CPA4: variants seen among roughly 807,000 people sequenced by gnomAD.
CPA4 encodes the protein carboxypeptidase A4, also known as carboxypeptidase A3.
In CPA4, 49 loss-of-function variants were observed where a neutral mutation model predicts 54.7. The observed-to-expected ratio is 0.90, with a 90% CI of 0.71 to 1.14. CPA4 has a LOEUF of 1.14. CPA4 is among the 50% of genes most tolerant of loss of function. CPA4 has a pLI of 0.00. For missense variants in CPA4, 487 were observed against 525.1 expected (o/e 0.93, Z 0.71); for synonymous variants, 215 against 206.8 (o/e 1.04, Z -0.34).
chr7:130,310,860 A>C lies in CPA4; in HGVS notation c.867A>C (p.Lys289Asn). The change falls in exon 9 of 11, where the codon AAA becomes AAC. Residue 289 changes from lysine to asparagine, a missense_variant. Physicochemically the swap from Lys to Asn is moderately conservative, Grantham distance 94 (BLOSUM62 0). Coordinates refer to ENST00000222482, the MANE Select transcript of CPA4 (RefSeq NM_016352.4). The surrounding 1 kb of genome is among the most constrained non-coding windows in gnomAD (Gnocchi z 4.3). ...ACGCCAATTCGGAAGTGGAGGTGAA[A>C]TCAGTGGTAGATTTCATCCAAAAAC... ...GPHANSEVEV[K>N]SVVDFIQKHG... The C allele has an allele frequency of 2.5e-6, 4 of 1,614,142 alleles. No homozygotes were observed. Among genetic ancestry groups the C allele is most frequent in the Non-Finnish European group, 3.4e-6 (4 of 1,179,992 alleles).
Position 130,322,632 on chromosome 7 carries a change from G to A in CPA4, c.1222G>A (p.Gly408Arg). 6.2e-7 allele frequency: 1 copy of A among 1,614,140 alleles called. No individual in the cohort carries two copies. The highest frequency in any genetic ancestry group is 8.5e-7 in the Non-Finnish European group (1 of 1,180,010). Reference protein sequence around the residue: ...IIPTAEETWLGLKTIMEHVRD... With the variant: ...IIPTAEETWLRLKTIMEHVRD... ...CCCCACTGCAGAGGAGACGTGGCTG[G>A]GGCTGAAGACCATCATGGAGCATGT... The change falls in exon 11 of 11, where the codon GGG (glycine) becomes AGG (arginine). Residue 408 changes from glycine to arginine, a missense_variant. Coordinates refer to ENST00000222482, the MANE Select transcript of CPA4 (RefSeq NM_016352.4).
intron 1 of CPA4, among the ~76,000 whole-genome samples, chr7:130,293,881 G>A (rs1246903326): frequency 6.6e-6 from 1 of 152,090 alleles, no homozygotes; most frequent in Non-Finnish European, 1.5e-5. Context: ...AACACCGTGT[G>A]TGTGTGCGCG....
intron 10 of CPA4, among the ~76,000 whole-genome samples, chr7:130,319,303 G>T (rs1187706353): frequency 6.6e-6 from 1 of 152,162 alleles, no homozygotes; most frequent in Non-Finnish European, 1.5e-5. Context: ...CATAAGCGTG[G>T]TGATTGGGTT....
intron 6 of CPA4, chr7:130,306,201 C>T: frequency 2.1e-6 from 1 of 468,110 alleles, no homozygotes; most frequent in Non-Finnish European, 3.9e-6. Context: ...CAGAGCAACA[C>T]CCAGACAAGG....
intron 1 of CPA4, among the ~76,000 whole-genome samples, chr7:130,293,893 G>T (rs1045486084): frequency 1.3e-5 from 2 of 151,854 alleles, no homozygotes; most frequent in African/African-American, 4.8e-5. Flanking sequence ...GTGTGCGCGT[G>T]TGTGTGTGCA....
rs1794138239 is a variant in CPA4 at position 130,322,805 on chromosome 7, C to T, written c.*129C>T. ...GGTTTGTGGAGCACACAGGCCTGCC[C>T]CTCTCCAGCCAGCTCCCTGGAGTCG... On this transcript the variant is annotated 3_prime_UTR_variant, in exon 11 of 11. Coordinates refer to ENST00000222482, the MANE Select transcript of CPA4 (RefSeq NM_016352.4). The T allele has an allele frequency of 2.4e-6, 2 of 839,258 alleles. No individual in the cohort carries two copies. Among genetic ancestry groups the T allele is most frequent in the African/African-American group, 3.4e-5 (2 of 58,468 alleles). 52.0% of individuals were successfully genotyped at this position (839,258 alleles called of 1,614,324 possible). A position where few individuals can be genotyped will look rare whatever the true frequency, so the allele number is the denominator to read the frequency against.
Position 130,322,480 on chromosome 7 carries a change from G to A in CPA4, c.1079-9G>A, listed in dbSNP as rs760537484. 28 of 1,610,724 alleles carry A rather than the reference G, an allele frequency of 1.7e-5. No individual in the cohort carries two copies. The highest frequency in any genetic ancestry group is 1.7e-4 in the Middle Eastern group (1 of 6,040). ...GGGCTTCAAGAGTGTTTTGTCCTCC[G>A]ACTTACAGATCCAGCTAGCGGGAGC... On this transcript the variant is annotated splice_polypyrimidine_tract_variant and intron_variant, in intron 10 of 10. Transcript: ENST00000222482.
At chr7:130,303,399 G>A (rs1793769547) in intron 4 of CPA4, among the ~76,000 whole-genome samples, 1 of 152,196 alleles carries the variant, frequency 6.6e-6, no homozygotes, top group Non-Finnish European at 1.5e-5. Context: ...CCACTGGGAT[G>A]AAGGAAGAAA....
intron 5 of CPA4, 83 bp from the exon 6 acceptor site, chr7:130,305,733 T>C: frequency 1.0e-6 from 1 of 970,502 alleles, no homozygotes. Context: ...ATGAATTAAA[T>C]GAATGGGAGA....
rs763551257 is a variant in CPA4 at position 130,310,937 on chromosome 7, T to G, written c.944T>G (p.Met315Arg). The G allele has an allele frequency of 6.2e-7, 1 of 1,614,232 alleles. No individual in the cohort carries two copies. The highest frequency in any genetic ancestry group is 1.1e-5 in the South Asian group (1 of 91,086). Residue 315 changes from methionine to arginine, a missense_variant, in exon 9 of 11, where the codon ATG becomes AGG. Physicochemically the swap from Met to Arg is moderately conservative, Grantham distance 91. Coordinates refer to ENST00000222482, the MANE Select transcript of CPA4 (RefSeq NM_016352.4). This position sits in a 1 kb window ranked among gnomAD's most constrained non-coding sequence, Gnocchi z 4.3. Reference protein sequence around the residue: ...IDLHSYSQLLMYPYGYSVKKA... With the variant: ...IDLHSYSQLLRYPYGYSVKKA... ...CTGCACAGCTACTCGCAGCTGCTGATGTATCCATATGGGTACTCAGTCAAA... is the reference window on the plus strand; with the variant it reads ...CTGCACAGCTACTCGCAGCTGCTGAGGTATCCATATGGGTACTCAGTCAAA...
chr7:130,295,949 A>C (rs1416621812), intron 1 of CPA4, among the ~76,000 whole-genome samples: 2 of 152,232 alleles, frequency 1.3e-5, no homozygotes, highest in Non-Finnish European at 2.9e-5. Context: ...ATTGCACTCC[A>C]GCCTGGGCAA....
chr7:130,323,947 GTGTC>G lies in CPA4; in HGVS notation c.*1277_*1280del, dbSNP rs1315562958. Reference sequence around the variant, plus strand: ...TGTGTGTGTGTGTGTTTGTGTGTGTGTGTCTGTCTATTTTGTATCCTGGACCACA... The same window carrying G: ...TGTGTGTGTGTGTGTTTGTGTGTGTGTGTCTATTTTGTATCCTGGACCACA... On this transcript the variant is annotated 3_prime_UTR_variant, in exon 11 of 11. Transcript: ENST00000222482. 50 of 152,292 alleles carry G rather than the reference GTGTC, an allele frequency of 3.3e-4. 1 individual carries two copies. The highest frequency in any genetic ancestry group is 1.8e-3 in the Admixed American group (28 of 15,198). 9.4% of individuals were successfully genotyped at this position (152,292 alleles called of 1,614,324 possible). A position where few individuals can be genotyped will look rare whatever the true frequency, so the allele number is the denominator to read the frequency against.
At chr7:130,315,852 GC>G (rs1447871574) in intron 10 of CPA4, among the ~76,000 whole-genome samples, 2 of 152,176 alleles carry the variant, frequency 1.3e-5, no homozygotes, top group Non-Finnish European at 2.9e-5. Context: ...ATGGGAAATG[GC>G]TTTTAACTGT....
intron 4 of CPA4, among the ~76,000 whole-genome samples, chr7:130,303,569 A>C (rs1159483105): frequency 6.6e-6 from 1 of 152,004 alleles, no homozygotes; most frequent in East Asian, 1.9e-4. Flanking sequence ...ATTATTTTTG[A>C]GTAGAGAAAG....
chr7:130,318,559 G>A (rs1794027402), intron 10 of CPA4, among the ~76,000 whole-genome samples: 1 of 152,140 alleles, frequency 6.6e-6, no homozygotes, highest in Non-Finnish European at 1.5e-5. Context: ...TTATAGGCAT[G>A]TGCCCCACCC....
At chr7:130,319,656 G>T (rs1358058520) in intron 10 of CPA4, among the ~76,000 whole-genome samples, 2 of 152,216 alleles carry the variant, frequency 1.3e-5, no homozygotes, top group Non-Finnish European at 2.9e-5. Flanking sequence ...GACTGGGGAG[G>T]TGGGAGGCAG....
At position 130,305,917 on chromosome 7, in the gene CPA4, G is replaced by A; in HGVS notation, c.588G>A (p.Arg196=). The part of the protein sequence containing the change: ...ISQATAIWTA[R]KIVSDYQRDP... ...AGGCCACTGCAATCTGGACGGCAAG[G>A]AAGGTCATGCTGCGTGGTATTAGCC... The change falls in exon 6 of 11, where the codon AGG becomes AGA. Residue 196 remains arginine, a synonymous_variant. Transcript: ENST00000222482. 6.2e-7 allele frequency: 1 copy of A among 1,612,570 alleles called. No homozygotes were observed. The highest frequency in any genetic ancestry group is 8.5e-7 in the Non-Finnish European group (1 of 1,178,702).
intron 9 of CPA4, among the ~76,000 whole-genome samples, chr7:130,311,535 C>T (rs1793914595): frequency 6.6e-6 from 1 of 152,030 alleles, no homozygotes; most frequent in Non-Finnish European, 1.5e-5. Context: ...CCACCCCCAC[C>T]CGGCCTCTCA....
intron 1 of CPA4, among the ~76,000 whole-genome samples, chr7:130,295,806 C>A (rs1793639508): frequency 6.6e-6 from 1 of 152,050 alleles, no homozygotes; most frequent in African/African-American, 2.4e-5. Context: ...ATAGAGAAAC[C>A]CCGCCTCTAC....
Sources: gnomAD v4.1 joint callset for allele counts (sites outside exome capture counted in the v4.1 genomes callset) on GRCh38, gnomAD v4.1.1 for gene constraint, Gnocchi (gnomAD v3.1) non-coding constraint, MANE v1.5 for transcripts, NCBI Gene and HGNC (gene_info 2026-07-23, HGNC 2026-07-21) for gene names.